Variants in MGST2 observed in about 807,000 individuals in gnomAD.
MGST2 encodes glutathione peroxidase MGST2.
MGST2 carries 9 observed loss-of-function variants against 16.6 expected under a neutral mutation model. The ratio of observed to expected loss-of-function variants is 0.54; its 90% CI spans 0.33 to 0.95. The LOEUF (loss-of-function observed/expected upper bound fraction) is 0.95, where lower values mean the gene tolerates loss of function less well. MGST2 is among the 40% of genes least tolerant of loss of function. The pLI is 0.03. For synonymous variants in MGST2, 79 were observed against 68.0 expected, an observed-to-expected ratio of 1.16 and a Z score of -0.79; for missense variants, 159 against 175.1, an observed-to-expected ratio of 0.91 and a Z score of 0.52.
In MGST2 at chr4:139,704,137, C is replaced by A. The variant is rs145408278; in HGVS notation, c.433C>A (p.Arg145=). The A allele has an allele frequency of 4.0e-5, 65 of 1,614,012 alleles. No individual in the cohort carries two copies. The highest frequency in any genetic ancestry group is 8.0e-5 in the African/African-American group (6 of 74,920). ...LDLNIAKKLR[R]QF ...CCTCAATATTGCCAAGAAACTGAGG[C>A]GGCAATTCTAACTTTTTCTCTTCCC... is the stretch of plus-strand genomic sequence containing the variant. The change falls in exon 5 of 5, where the codon CGG becomes AGG. Residue 145 remains arginine (R), a synonymous_variant. Transcript: ENST00000265498.
rs957352806 is a variant in MGST2 at position 139,665,898 on chromosome 4, G to A, written c.-122G>A. 37 of 950,198 alleles carry A rather than the reference G, an allele frequency of 3.9e-5. No individual in the cohort carries two copies. The highest frequency in any genetic ancestry group is 4.7e-5 in the Non-Finnish European group (28 of 595,392). The allele number at this position is 950,198 out of a possible 1,614,324, so 58.9% of individuals were successfully genotyped here. On this transcript the variant is annotated 5_prime_UTR_variant, in exon 1 of 5. Coordinates refer to ENST00000265498, the MANE Select transcript of MGST2 (RefSeq NM_002413.5). Reference sequence around the variant, plus strand: ...CAGAGCAAAGGTCATTCAGCCGCTTGAATCAGCCTTTTCCCCCCACCCGGT... The same window carrying A: ...CAGAGCAAAGGTCATTCAGCCGCTTAAATCAGCCTTTTCCCCCCACCCGGT...
In MGST2 at chr4:139,665,910, T is replaced by G; in HGVS notation, c.-110T>G. ...CATTCAGCCGCTTGAATCAGCCTTT[T>G]CCCCCCACCCGGTCCCCAACTTTGT... On this transcript the variant is annotated 5_prime_UTR_variant, in exon 1 of 5. Coordinates refer to ENST00000265498, the MANE Select transcript of MGST2 (RefSeq NM_002413.5). The G allele has an allele frequency of 9.2e-7, 1 of 1,091,022 alleles. No homozygotes were observed. The highest frequency in any genetic ancestry group is 1.9e-5 in the Admixed American group (1 of 51,760). The allele number at this position is 1,091,022 out of a possible 1,614,324, so 67.6% of individuals were successfully genotyped here. A position where few individuals can be genotyped will look rare whatever the true frequency, so the allele number is the denominator to read the frequency against.
chr4:139,680,947 G>C (rs1292764930), intron 2 of MGST2, among the ~76,000 whole-genome samples: 1 of 152,096 alleles, frequency 6.6e-6, no homozygotes, highest in Non-Finnish European at 1.5e-5. Context: ...TTGTTGAGAG[G>C]CTTTTTCTTC....
At chr4:139,695,314 C>A in intron 3 of MGST2, 47 bp downstream of exon 3, 1 of 1,446,860 alleles carries the variant, frequency 6.9e-7, no homozygotes, top group Non-Finnish European at 9.7e-7. Flanking sequence ...GACTGTGATG[C>A]TTAAACGATT....
At chr4:139,703,176 C>A (rs143381176) in intron 3 of MGST2, among the ~76,000 whole-genome samples, 5 of 151,962 alleles carry the variant, frequency 3.3e-5, no homozygotes, top group Non-Finnish European at 5.9e-5. Context: ...TTCACCCCCC[C>A]TCGGCCTCTC....
At chr4:139,706,657 G>A (rs1002748547), downstream of MGST2, among the ~76,000 whole-genome samples, 9 of 152,010 alleles carry the variant, frequency 5.9e-5, no homozygotes, top group Non-Finnish European at 1.2e-4. Context: ...ACTTAAATTG[G>A]CTCTGGGCAG....
intron 5 of MGST2, chr4:139,718,986 G>A (rs946148946): frequency 1.6e-5 from 4 of 252,274 alleles, no homozygotes; most frequent in East Asian, 8.9e-5. Context: ...AGTCCCTCTC[G>A]GCTGAAGCAG....
At chr4:139,714,081 A>G (rs1727842642) in intron 5 of MGST2, among the ~76,000 whole-genome samples, 1 of 152,234 alleles carries the variant, frequency 6.6e-6, no homozygotes. Flanking sequence ...TCCCAAGGAC[A>G]TAAAACAAGG....
intron 2 of MGST2, among the ~76,000 whole-genome samples, chr4:139,688,866 G>A (rs1726402396): frequency 6.6e-6 from 1 of 152,164 alleles, no homozygotes; most frequent in African/African-American, 2.4e-5. Context: ...CAGCACTTTG[G>A]GAGGCCAAGG....
rs1186645586 is a variant in MGST2 at position 139,679,716 on chromosome 4, G to A, written c.158+1074G>A. Among the ~76,000 whole-genome samples, 5 of 152,232 alleles carry A rather than the reference G, an allele frequency of 3.3e-5. No individual in the cohort carries two copies. In the East Asian group the frequency reaches 7.7e-4, roughly 24 times the overall value. On this transcript the variant is annotated intron_variant, in intron 2 of 4. Coordinates refer to ENST00000265498, the MANE Select transcript of MGST2 (RefSeq NM_002413.5). ...CAGACTACTCCCTAGGCTTGAAAGC[G>A]TGGGGTGAATACCACCGGGAGTACA...
chr4:139,695,140 A>G (rs1726843435), intron 2 of MGST2, 57 bp from the exon 3 acceptor site: 1 of 1,245,906 alleles, frequency 8.0e-7, no homozygotes, highest in Non-Finnish European at 1.2e-6. Flanking sequence ...TGAAAAATCA[A>G]TGCTTCAGTG....
intron 5 of MGST2, among the ~76,000 whole-genome samples, chr4:139,736,437 G>A (rs1483588047): frequency 6.6e-6 from 1 of 152,122 alleles, no homozygotes; most frequent in East Asian, 1.9e-4. Context: ...AGACAGAGGC[G>A]CCTGGCTGTG....
downstream of MGST2, among the ~76,000 whole-genome samples, chr4:139,743,723 T>G (rs1226298979): frequency 1.3e-5 from 2 of 152,170 alleles, no homozygotes; most frequent in Non-Finnish European, 2.9e-5. Flanking sequence ...AGGGGATAAT[T>G]TGTACTGAAG....
chr4:139,734,057 G>A (rs531033676), intron 5 of MGST2, among the ~76,000 whole-genome samples: 16 of 152,274 alleles, frequency 1.1e-4, no homozygotes, highest in African/African-American at 2.9e-4. Context: ...AAAGCTCTGC[G>A]GCATTCAACA....
chr4:139,707,228 A>T (rs1727555799), downstream of MGST2, among the ~76,000 whole-genome samples: 1 of 149,314 alleles, frequency 6.7e-6, no homozygotes, highest in South Asian at 2.1e-4. Flanking sequence ...CAGTCCCCGG[A>T]GTGTGATGTT....
intron 1 of MGST2, among the ~76,000 whole-genome samples, chr4:139,666,669 G>A (rs1035372159): frequency 4.6e-5 from 7 of 152,080 alleles, no homozygotes; most frequent in Non-Finnish European, 7.4e-5. Flanking sequence ...TTAAATAGAG[G>A]GCTTTTACTC....
At chr4:139,698,749 C>T (rs1217620784) in intron 3 of MGST2, among the ~76,000 whole-genome samples, 1 of 152,122 alleles carries the variant, frequency 6.6e-6, no homozygotes, top group Non-Finnish European at 1.5e-5. Flanking sequence ...GGTGTAGCTG[C>T]AAGTGACAGC....
the MGST2 span, among the ~76,000 whole-genome samples, chr4:139,754,212 G>C: frequency 6.6e-6 from 1 of 152,116 alleles, no homozygotes; most frequent in Non-Finnish European, 1.5e-5. Context: ...GGTCAATTAT[G>C]GGTGAGTTTT....
intron 3 of MGST2, among the ~76,000 whole-genome samples, chr4:139,700,503 A>G (rs1727195368): frequency 6.6e-6 from 1 of 152,148 alleles, no homozygotes; most frequent in Non-Finnish European, 1.5e-5. Flanking sequence ...AAGCCTTCAT[A>G]TGAGGGAGGG....
Sources: allele counts gnomAD v4.1 joint callset (sites outside exome capture counted in the v4.1 genomes callset), GRCh38; gene constraint gnomAD v4.1.1; transcripts MANE v1.5; gene names NCBI Gene and HGNC (gene_info 2026-07-23, HGNC 2026-07-21).